Variants in SYNPR observed in about 807,000 individuals in gnomAD.
The protein encoded by SYNPR is synaptoporin.
Under a neutral mutation model 32.9 loss-of-function variants are expected in SYNPR, and 23 were observed. That is an observed-to-expected ratio of 0.70 (90% confidence interval 0.50 to 0.99). The LOEUF is 0.99. Ranked by LOEUF, SYNPR falls within the 50% of genes least tolerant of loss-of-function variation. The pLI is 0.00. For synonymous variants in SYNPR, 146 were observed against 135.9 expected, an observed-to-expected ratio of 1.07 and a Z score of -0.52; for missense variants, 318 against 349.3, an observed-to-expected ratio of 0.91 and a Z score of 0.71.
intron 2 of SYNPR, among the ~76,000 whole-genome samples, chr3:63,446,832 A>T (rs1700287340): frequency 6.6e-6 from 1 of 152,178 alleles, no homozygotes; most frequent in Non-Finnish European, 1.5e-5. Context: ...TTAACACAAT[A>T]TTGAGTTCTT....
chr3:63,476,256 G>A (rs557618568), intron 2 of SYNPR, among the ~76,000 whole-genome samples: 2 of 90,928 alleles, frequency 2.2e-5, no homozygotes, highest in Non-Finnish European at 4.2e-5. Context: ...AGGGAGAGAA[G>A]AAGGAAGGAA....
At chr3:63,570,520 G>T (rs115930584) in intron 4 of SYNPR, among the ~76,000 whole-genome samples, 222 of 152,186 alleles carry the variant, frequency 1.5e-3, no homozygotes, top group African/African-American at 5.1e-3. Context: ...TTCCTATTCT[G>T]CATAGCTACT....
At chr3:63,270,856 C>CTTCT (rs1342816422) in intron 3 of SYNPR, among the ~76,000 whole-genome samples, 1 of 80,728 alleles carries the variant, frequency 1.2e-5, no homozygotes, top group Non-Finnish European at 2.7e-5. Flanking sequence ...AATTCTCTCC[C>CTTCT]TTCTTTCCTT....
chr3:63,560,387 T>C (rs1702665891), intron 4 of SYNPR, among the ~76,000 whole-genome samples: 1 of 152,210 alleles, frequency 6.6e-6, no homozygotes, highest in Non-Finnish European at 1.5e-5. Context: ...AGGGGTGCTA[T>C]GACACCATTT....
chr3:63,508,057 C>G (rs1301765968), intron 3 of SYNPR, among the ~76,000 whole-genome samples: 1 of 152,114 alleles, frequency 6.6e-6, no homozygotes, highest in African/African-American at 2.4e-5. Flanking sequence ...CGTCAACATT[C>G]TTTTGTACTG....
At chr3:63,573,275 A>G (rs1377378787) in intron 4 of SYNPR, among the ~76,000 whole-genome samples, 1 of 152,192 alleles carries the variant, frequency 6.6e-6, no homozygotes, top group Admixed American at 6.6e-5. Context: ...ATAGTGGACA[A>G]CGCAGGTGAA....
At chr3:63,384,975 T>C (rs561252234) in intron 2 of SYNPR, among the ~76,000 whole-genome samples, 31 of 152,094 alleles carry the variant, frequency 2.0e-4, no homozygotes, top group Non-Finnish European at 3.4e-4. Context: ...ATGCTTGAGG[T>C]GGAAAAACCA....
chr3:63,443,252 A>G (rs2107162913), intron 2 of SYNPR: 2 of 1,423,440 alleles, frequency 1.4e-6, no homozygotes, highest in East Asian at 5.1e-5. Context: ...CTCTCTGCAA[A>G]TGAGGCTGAA....
intron 2 of SYNPR, among the ~76,000 whole-genome samples, chr3:63,261,280 G>A (rs944123798): frequency 1.1e-4 from 16 of 152,004 alleles, no homozygotes; most frequent in East Asian, 3.9e-4. Flanking sequence ...TGTTTATTGC[G>A]GCACTATTCA....
At chr3:63,598,681 G>C (rs1365092986) in intron 4 of SYNPR, among the ~76,000 whole-genome samples, 2 of 152,022 alleles carry the variant, frequency 1.3e-5, no homozygotes, top group Non-Finnish European at 2.9e-5. Context: ...GACTATTTTT[G>C]GGGTTTTATG....
chr3:63,466,224 C>T (rs183400155), intron 2 of SYNPR, among the ~76,000 whole-genome samples: 317 of 150,376 alleles, frequency 2.1e-3, no homozygotes, highest in African/African-American at 7.6e-3. Context: ...TTAATCTAGA[C>T]GTTCCTCTCT....
At chr3:63,516,084 C>T (rs1026862318) in intron 3 of SYNPR, among the ~76,000 whole-genome samples, 1 of 152,046 alleles carries the variant, frequency 6.6e-6, no homozygotes, top group African/African-American at 2.4e-5. Context: ...AGGCAAATTT[C>T]TCATTAGTTT....
chr3:63,504,290 A>G (rs1701543085), intron 3 of SYNPR, among the ~76,000 whole-genome samples: 1 of 152,196 alleles, frequency 6.6e-6, no homozygotes, highest in Non-Finnish European at 1.5e-5. Flanking sequence ...GATCTTGCAA[A>G]GAAAATCTCA....
chr3:63,236,062 GTTTC>G (rs71631144), intron 1 of SYNPR, among the ~76,000 whole-genome samples: 34,156 of 148,750 alleles, frequency 0.23, 3,983 homozygotes, highest in South Asian at 0.38. Context: ...TTAAGCTGAG[GTTTC>G]TTTTTTTTTT....
At chr3:63,273,890 G>A (rs2086555295), upstream of SYNPR, among the ~76,000 whole-genome samples, 1 of 152,160 alleles carries the variant, frequency 6.6e-6, no homozygotes. Context: ...TGGATTGAGA[G>A]ATAATGCTAT....
At chr3:63,256,922 G>A (rs192206404) in intron 2 of SYNPR, among the ~76,000 whole-genome samples, 3,271 of 152,294 alleles carry the variant, frequency 0.021, 103 homozygotes, top group African/African-American at 0.074. Context: ...CGTGACGAAT[G>A]CACAAGCCTC....
chr3:63,368,214 C>T (rs9876144), intron 2 of SYNPR, among the ~76,000 whole-genome samples: 6,784 of 152,228 alleles, frequency 0.045, 461 homozygotes, highest in African/African-American at 0.15. Flanking sequence ...ACGTTTCATT[C>T]ACAGATATCT....
chr3:63,526,109 T>C (rs1702006903), intron 3 of SYNPR, among the ~76,000 whole-genome samples: 1 of 152,200 alleles, frequency 6.6e-6, no homozygotes. Context: ...AGATTGAGAA[T>C]GACACCAGCC....
At chr3:63,363,020 G>T (rs1279332204) in intron 2 of SYNPR, among the ~76,000 whole-genome samples, 1 of 152,144 alleles carries the variant, frequency 6.6e-6, no homozygotes, top group Non-Finnish European at 1.5e-5. Flanking sequence ...TAAGTAGAAT[G>T]TCTGTAATAT....
Sources: gnomAD v4.1 joint callset for allele counts (sites outside exome capture counted in the v4.1 genomes callset) on GRCh38, gnomAD v4.1.1 for gene constraint, MANE v1.5 for transcripts, NCBI Gene and HGNC (gene_info 2026-07-23, HGNC 2026-07-21) for gene names.